The following TMTC2 variants were observed in gnomAD, a reference collection of about 807,000 sequenced individuals.
The protein encoded by TMTC2 is protein O-mannosyl-transferase TMTC2.
In TMTC2, 43 loss-of-function variants were observed where a neutral mutation model predicts 82.4. That is an observed-to-expected ratio of 0.52 (90% CI 0.41 to 0.67). The LOEUF is 0.67. TMTC2 is among the 30% of genes least tolerant of loss of function. The pLI, the probability that TMTC2 is intolerant of heterozygous loss-of-function variation, is 0.00. For synonymous variants in TMTC2, 408 were observed against 381.9 expected, an observed-to-expected ratio of 1.07 and a Z score of -0.80; for missense variants, 919 against 1,012.4, an observed-to-expected ratio of 0.91 and a Z score of 1.25.
intron 11 of TMTC2, among the ~76,000 whole-genome samples, chr12:83,110,608 T>TC (rs1280112154): frequency 6.6e-6 from 1 of 152,200 alleles, no homozygotes; most frequent in African/African-American, 2.4e-5. Context: ...ATTTTATTTG[T>TC]CCTGTCAGCA....
intron 2 of TMTC2, among the ~76,000 whole-genome samples, chr12:82,869,356 C>T (rs1380382318): frequency 2.0e-5 from 3 of 152,092 alleles, no homozygotes; most frequent in Non-Finnish European, 2.9e-5. Flanking sequence ...AGGAGGGAGA[C>T]ATTTTTAAAA....
chr12:82,754,234 T>G (rs1201870482), intron 1 of TMTC2, among the ~76,000 whole-genome samples: 1 of 152,204 alleles, frequency 6.6e-6, no homozygotes, highest in Non-Finnish European at 1.5e-5. Context: ...CTGTCATTGA[T>G]TTTTCATATC....
At chr12:82,707,704 G>A (rs917256868) in intron 1 of TMTC2, among the ~76,000 whole-genome samples, 1 of 152,198 alleles carries the variant, frequency 6.6e-6, no homozygotes, top group African/African-American at 2.4e-5. Context: ...AAGGAGGCAG[G>A]TTTGTCTGTG....
chr12:82,997,420 A>ATG (rs1879713101), intron 8 of TMTC2, among the ~76,000 whole-genome samples: 4 of 116,184 alleles, frequency 3.4e-5, no homozygotes, highest in Admixed American at 1.0e-4. Context: ...GTGTATATAT[A>ATG]TATATATACA....
At chr12:82,737,061 T>C (rs1475468378) in intron 1 of TMTC2, among the ~76,000 whole-genome samples, 1 of 152,194 alleles carries the variant, frequency 6.6e-6, no homozygotes, top group Admixed American at 6.5e-5. Context: ...AGGGAGATAG[T>C]ATTAATCAAT....
In TMTC2 at chr12:82,687,344, G is replaced by A. The variant is rs1381378299; in HGVS notation, c.-243G>A. 1.3e-5 allele frequency: 7 copies of A among 548,600 alleles called. No homozygotes were observed. Among genetic ancestry groups the A allele is most frequent in the East Asian group, 3.1e-5 (1 of 32,100 alleles). 34.0% of individuals were successfully genotyped at this position (548,600 alleles called of 1,614,324 possible). A position where few individuals can be genotyped will look rare whatever the true frequency, so the allele number is the denominator to read the frequency against. ...CAAACGCCGCTCACCGCTTGCGGGCGCCGGGCATGGGGAGTGTGGTGTGAG... is the reference window on the plus strand; with the variant it reads ...CAAACGCCGCTCACCGCTTGCGGGCACCGGGCATGGGGAGTGTGGTGTGAG... On this transcript the variant is annotated 5_prime_UTR_variant, in exon 1 of 12. Coordinates refer to ENST00000321196, the MANE Select transcript of TMTC2 (RefSeq NM_152588.3).
chr12:82,860,533 A>G (rs980440498), intron 2 of TMTC2, among the ~76,000 whole-genome samples: 3 of 152,236 alleles, frequency 2.0e-5, no homozygotes, highest in African/African-American at 7.2e-5. Flanking sequence ...GGCTGATTCC[A>G]TGATCTGTTT....
chr12:82,952,642 T>C (rs1380754728), intron 4 of TMTC2, among the ~76,000 whole-genome samples: 1 of 152,060 alleles, frequency 6.6e-6, no homozygotes, highest in Non-Finnish European at 1.5e-5. Flanking sequence ...GACTCCTGGG[T>C]TCAAATGATT....
rs375350050 is a variant in TMTC2 at position 83,086,301 on chromosome 12, C to T, written c.2331+24470C>T. On this transcript the variant is annotated intron_variant, in intron 11 of 11. Coordinates refer to ENST00000321196, the MANE Select transcript of TMTC2 (RefSeq NM_152588.3). The stretch of plus-strand genomic sequence containing the variant: ...CTTCTCAGACAGTGGGGCGGCCGGG[C>T]AGAGGCACTCCTCGTTTCCCATATG... Among the ~76,000 whole-genome samples the T allele has an allele frequency of 9.2e-5, 14 of 152,280 alleles. No individual in the cohort carries two copies. The East Asian group carries it at 1.2e-3, about 13-fold the overall frequency.
At chr12:82,919,764 A>G (rs2137225976) in intron 3 of TMTC2, among the ~76,000 whole-genome samples, 1 of 152,350 alleles carries the variant, frequency 6.6e-6, no homozygotes, top group African/African-American at 2.4e-5. Context: ...AAACTGGAGA[A>G]TAATCTCCTT....
In TMTC2 at chr12:83,086,087, G is replaced by A. The variant is rs533814652; in HGVS notation, c.2331+24256G>A. Among the ~76,000 whole-genome samples the A allele has an allele frequency of 2.5e-3, 374 of 151,114 alleles. 2 individuals are homozygous for A. Among genetic ancestry groups the A allele is most frequent in the Non-Finnish European group, 4.5e-3 (303 of 67,856 alleles). Reference sequence around the variant, plus strand: ...TTCTTTTTTTTTTTTTAATTGAAAAGTAAACTTTACTGTTGAAAATGCCAA... The same window carrying A: ...TTCTTTTTTTTTTTTTAATTGAAAAATAAACTTTACTGTTGAAAATGCCAA... On this transcript the variant is annotated intron_variant, in intron 11 of 11. Transcript: ENST00000321196.
intron 8 of TMTC2, among the ~76,000 whole-genome samples, chr12:83,001,073 C>T (rs575704711): frequency 3.9e-5 from 6 of 152,184 alleles, no homozygotes; most frequent in South Asian, 4.2e-4. Flanking sequence ...TCTAAATCTC[C>T]GGGCCTGTGA....
chr12:83,075,061 C>T (rs148503217), intron 11 of TMTC2, among the ~76,000 whole-genome samples: 6,271 of 152,248 alleles, frequency 0.041, 424 homozygotes, highest in African/African-American at 0.14. Context: ...CTGCTGCTTC[C>T]TCTACCCCTG....
rs771834091 is a variant in TMTC2 at position 83,133,868 on chromosome 12, A to G, written c.*1479A>G. 4 of 152,196 alleles carry G rather than the reference A, an allele frequency of 2.6e-5. No homozygotes were observed. Among genetic ancestry groups the G allele is most frequent in the Non-Finnish European group, 5.9e-5 (4 of 68,044 alleles). The allele number at this position is 152,196 out of a possible 1,614,324, so 9.4% of individuals were successfully genotyped here. A position where few individuals can be genotyped will look rare whatever the true frequency, so the allele number is the denominator to read the frequency against. ...CAGAATAACAAAACTTGATGCATTAAGCCAGTTCTTTGCAACTGAAAATTA... is the reference window on the plus strand; with the variant it reads ...CAGAATAACAAAACTTGATGCATTAGGCCAGTTCTTTGCAACTGAAAATTA... On this transcript the variant is annotated 3_prime_UTR_variant, in exon 12 of 12. Coordinates refer to ENST00000321196, the MANE Select transcript of TMTC2 (RefSeq NM_152588.3).
At chr12:82,734,182 G>A (rs188309117) in intron 1 of TMTC2, among the ~76,000 whole-genome samples, 9 of 152,312 alleles carry the variant, frequency 5.9e-5, no homozygotes, top group Non-Finnish European at 1.2e-4. Flanking sequence ...TACGTAGGTT[G>A]ATATATTAGT....
intron 1 of TMTC2, among the ~76,000 whole-genome samples, chr12:82,743,744 A>T (rs1875536906): frequency 6.6e-6 from 1 of 152,212 alleles, no homozygotes; most frequent in Non-Finnish European, 1.5e-5. Flanking sequence ...AGCCCTGTTT[A>T]ACAAATAAAT....
intron 1 of TMTC2, among the ~76,000 whole-genome samples, chr12:82,772,901 C>T (rs1877383941): frequency 6.6e-6 from 1 of 152,070 alleles, no homozygotes; most frequent in South Asian, 2.1e-4. Context: ...GGAGACAGCT[C>T]TCTTTCCTAG....
intron 9 of TMTC2, among the ~76,000 whole-genome samples, chr12:83,033,190 A>C (rs901290164): frequency 6.6e-6 from 1 of 152,222 alleles, no homozygotes; most frequent in Non-Finnish European, 1.5e-5. Flanking sequence ...TGAGAAGGCC[A>C]TAATTGAGTG....
chr12:83,077,880 CTTTTTTTTT>C (rs751044763), intron 11 of TMTC2, among the ~76,000 whole-genome samples: 7 of 92,964 alleles, frequency 7.5e-5, no homozygotes, highest in Non-Finnish European at 1.4e-4. Flanking sequence ...GACAATCTGT[CTTTTTTTTT>C]TTTTTTTTTT....
Sources: gnomAD v4.1 joint callset for allele counts (sites outside exome capture counted in the v4.1 genomes callset) on GRCh38, gnomAD v4.1.1 for gene constraint, MANE v1.5 for transcripts, NCBI Gene and HGNC (gene_info 2026-07-23, HGNC 2026-07-21) for gene names.